The following SPARC variants were observed in gnomAD, a reference collection of about 807,000 sequenced individuals.
SPARC encodes secreted protein acidic and cysteine rich.
Under a neutral mutation model 37.7 loss-of-function variants are expected in SPARC, and 23 were observed. The ratio of observed to expected loss-of-function variants is 0.61; its 90% CI spans 0.44 to 0.87. The LOEUF is 0.87. SPARC is among the 40% of genes least tolerant of loss of function. The pLI is 0.00. For missense variants in SPARC, 312 were observed against 389.0 expected, an observed-to-expected ratio of 0.80 and a Z score of 1.66; for synonymous variants, 155 against 150.8, an observed-to-expected ratio of 1.03 and a Z score of -0.20.
chr5:151,668,923 A>G (rs2113091598), intron 6 of SPARC, among the ~76,000 whole-genome samples: 1 of 152,198 alleles, frequency 6.6e-6, no homozygotes, highest in South Asian at 2.1e-4. Context: ...GGCTCTCCTC[A>G]TTGCCATCGG....
At chr5:151,681,870 G>A (rs1414210151) in intron 1 of SPARC, among the ~76,000 whole-genome samples, 4 of 152,200 alleles carry the variant, frequency 2.6e-5, no homozygotes, top group African/African-American at 9.6e-5. Context: ...TCTCGCCTGG[G>A]CAACAAGAGT....
chr5:151,674,753 T>C, intron 2 of SPARC, 79 bp from the exon 3 acceptor site: 1 of 1,400,254 alleles, frequency 7.1e-7, no homozygotes, highest in South Asian at 1.2e-5. Context: ...TGGCCTCGGA[T>C]ACAGGCTAGG....
At position 151,663,358 on chromosome 5, in the gene SPARC, C is replaced by A. The variant is rs764947655; in HGVS notation, c.*213G>T. ...CAAGAGAAAAATGGGACTATTAATGCGTGTGGAAAAGGCCTTAATAGTTAA... is the reference window on the plus strand; with the variant it reads ...CAAGAGAAAAATGGGACTATTAATGAGTGTGGAAAAGGCCTTAATAGTTAA... On this transcript the variant is annotated 3_prime_UTR_variant, in exon 10 of 10. Coordinates refer to ENST00000231061, the MANE Select transcript of SPARC (RefSeq NM_003118.4). 2 of 571,462 alleles carry A rather than the reference C, an allele frequency of 3.5e-6. No individual in the cohort carries two copies. Among genetic ancestry groups the A allele is most frequent in the Non-Finnish European group, 3.1e-6 (1 of 321,156 alleles). The allele number at this position is 571,462 out of a possible 1,614,324, so 35.4% of individuals were successfully genotyped here.
intron 8 of SPARC, among the ~76,000 whole-genome samples, chr5:151,664,443 G>A (rs1006391560): frequency 6.6e-6 from 1 of 152,220 alleles, no homozygotes; most frequent in Non-Finnish European, 1.5e-5. Context: ...CGGAACCTCA[G>A]TTTCTCCTTC....
intron 1 of SPARC, among the ~76,000 whole-genome samples, chr5:151,682,837 C>T (rs1041874450): frequency 6.6e-6 from 1 of 152,136 alleles, no homozygotes; most frequent in African/African-American, 2.4e-5. Flanking sequence ...TCAAGATGAC[C>T]CAGAGTGATC....
chr5:151,667,460 C>T lies in SPARC; in HGVS notation c.585+7G>A. 2 of 1,614,106 alleles carry T rather than the reference C, an allele frequency of 1.2e-6. No individual in the cohort carries two copies. Among genetic ancestry groups the T allele is most frequent in the Non-Finnish European group, 8.5e-7 (1 of 1,179,992 alleles). On this transcript the variant is annotated splice_region_variant and intron_variant, in intron 7 of 9. Transcript: ENST00000231061. ...ACGGGGCCAGCAAGGCCAGAGAGAC[C>T]ACTTACCCGCAGCTTCTGCTTCTCA...
At chr5:151,682,867 T>C (rs1761028145) in intron 1 of SPARC, among the ~76,000 whole-genome samples, 1 of 152,230 alleles carries the variant, frequency 6.6e-6, no homozygotes, top group South Asian at 2.1e-4. Flanking sequence ...GAGAAGTTAA[T>C]ACCAAGTTTC....
chr5:151,682,262 G>A (rs140371837), intron 1 of SPARC, among the ~76,000 whole-genome samples: 167 of 152,312 alleles, frequency 1.1e-3, no homozygotes, highest in African/African-American at 4.0e-3. Context: ...GCTGGAATCA[G>A]CCCGAGATTC....
chr5:151,674,079 T>A (rs1294987293), intron 3 of SPARC, among the ~76,000 whole-genome samples: 1 of 151,928 alleles, frequency 6.6e-6, no homozygotes, highest in Non-Finnish European at 1.5e-5. Flanking sequence ...TGGCGAGATC[T>A]TGGCTAACTG....
intron 6 of SPARC, 85 bp from the exon 7 acceptor site, chr5:151,667,685 C>A: frequency 6.7e-7 from 1 of 1,503,714 alleles, no homozygotes; most frequent in Non-Finnish European, 9.0e-7. Flanking sequence ...CCACATACCA[C>A]CTGCATTGGT....
intron 2 of SPARC, 69 bp from the exon 3 acceptor site, chr5:151,674,743 T>C (rs1760821379): frequency 2.7e-6 from 4 of 1,488,294 alleles, no homozygotes; most frequent in Non-Finnish European, 3.7e-6. Context: ...AAAGTGCCTG[T>C]GGCCTCGGAT....
chr5:151,671,684 C>T lies in SPARC; in HGVS notation c.219G>A (p.Gln73=). The T allele has an allele frequency of 6.2e-7, 1 of 1,613,732 alleles. No individual in the cohort carries two copies. The change falls in exon 5 of 10, where the codon CAG becomes CAA. Residue 73 remains glutamine (Q), a synonymous_variant. Coordinates refer to ENST00000231061, the MANE Select transcript of SPARC (RefSeq NM_003118.4). ...CCTTGCCGTGTTTGCAGTGGTGGTT[C>T]TGGCAGGGATCTGTAGGGCAGAAAG... ...EEEVVAENPC[Q]NHHCKHGKVC... is the part of the protein sequence containing the mutation.
At chr5:151,673,753 G>A (rs891023531) in intron 3 of SPARC, among the ~76,000 whole-genome samples, 15 of 152,166 alleles carry the variant, frequency 9.9e-5, no homozygotes, top group Admixed American at 7.9e-4. Context: ...ATTTAGACAT[G>A]TTGATTGAAG....
intron 1 of SPARC, among the ~76,000 whole-genome samples, chr5:151,677,484 A>C (rs725936): frequency 0.069 from 10,529 of 152,236 alleles, 1,246 homozygotes; most frequent in African/African-American, 0.24. Flanking sequence ...ACCCGGCATC[A>C]TGGAGAAAAA....
chr5:151,669,571 A>G, intron 6 of SPARC, 93 bp downstream of exon 6: 1 of 1,433,920 alleles, frequency 7.0e-7, no homozygotes, highest in Non-Finnish European at 9.5e-7. Context: ...TTTGCCCAAG[A>G]TCACCCAGCA....
chr5:151,664,909 G>A (rs965270508), intron 8 of SPARC, among the ~76,000 whole-genome samples: 1 of 152,120 alleles, frequency 6.6e-6, no homozygotes, highest in Non-Finnish European at 1.5e-5. Flanking sequence ...AGACTCCAGA[G>A]CATGTGTATA....
intron 1 of SPARC, among the ~76,000 whole-genome samples, chr5:151,678,647 T>C (rs1194701568): frequency 6.6e-6 from 1 of 152,074 alleles, no homozygotes; most frequent in Admixed American, 6.5e-5. Context: ...CCTCTCCAAA[T>C]AGGCAAGCGT....
At chr5:151,684,602 A>G (rs1761085520) in intron 1 of SPARC, among the ~76,000 whole-genome samples, 1 of 125,784 alleles carries the variant, frequency 8.0e-6, no homozygotes, top group Admixed American at 7.8e-5. Context: ...TGGAGCTGCC[A>G]GGAAAAAAAA....
intron 2 of SPARC, among the ~76,000 whole-genome samples, chr5:151,674,974 T>C (rs1329047204): frequency 6.6e-6 from 1 of 152,230 alleles, no homozygotes; most frequent in African/African-American, 2.4e-5. Context: ...AGTCTGAAAA[T>C]CACTGATCCA....
Sources: allele counts gnomAD v4.1 joint callset (sites outside exome capture counted in the v4.1 genomes callset), GRCh38; gene constraint gnomAD v4.1.1; transcripts MANE v1.5; gene names NCBI Gene and HGNC (gene_info 2026-07-23, HGNC 2026-07-21).